Variants in NCAN observed in about 807,000 individuals in gnomAD.
The protein encoded by NCAN is neurocan, also known as neurocan core protein.
A neutral mutation model predicts 121.8 loss-of-function variants in NCAN; 47 were observed. The observed-to-expected ratio is 0.39, with a 90% confidence interval of 0.31 to 0.49. The LOEUF (loss-of-function observed/expected upper bound fraction) is 0.49. NCAN is among the 20% of genes least tolerant of loss of function. The pLI, the probability that NCAN is intolerant of heterozygous loss-of-function variation, is 0.92. For synonymous variants in NCAN, 633 were observed against 702.0 expected (o/e 0.90, Z 1.55); for missense variants, 1,517 against 1,773.4 (o/e 0.86, Z 2.60).
At chr19:19,246,310 T>C (rs2060924347) in intron 13 of NCAN, among the ~76,000 whole-genome samples, 1 of 152,068 alleles carries the variant, frequency 6.6e-6, no homozygotes, top group South Asian at 2.1e-4. Flanking sequence ...AGGGCAGGGA[T>C]TACAAGCATG....
At chr19:19,230,138 A>G (rs953725328) in intron 8 of NCAN, among the ~76,000 whole-genome samples, 3 of 151,522 alleles carry the variant, frequency 2.0e-5, no homozygotes, top group African/African-American at 7.3e-5. Context: ...TCCGCCTCCC[A>G]GGTTCAAGTG....
At chr19:19,246,723 G>A (rs2060925854) in intron 13 of NCAN, among the ~76,000 whole-genome samples, 1 of 151,802 alleles carries the variant, frequency 6.6e-6, no homozygotes, top group African/African-American at 2.4e-5. Context: ...TGTATTTTTA[G>A]TGGAGACGGG....
At chr19:19,239,041 C>T (rs2060892019) in intron 11 of NCAN, among the ~76,000 whole-genome samples, 1 of 152,130 alleles carries the variant, frequency 6.6e-6, no homozygotes, top group Non-Finnish European at 1.5e-5. Flanking sequence ...GTTTCTTTTT[C>T]CTTGATGTAT....
intron 11 of NCAN, among the ~76,000 whole-genome samples, chr19:19,239,854 A>C (rs1278080249): frequency 0.013 from 494 of 36,720 alleles, no homozygotes; most frequent in Middle Eastern, 0.026. Flanking sequence ...CCTCCCTCCA[A>C]CTCCTCCCCT....
rs2060945456 is a variant in NCAN at position 19,251,339 on chromosome 19, G to A, written c.*1428G>A. On this transcript the variant is annotated 3_prime_UTR_variant, in exon 15 of 15. Coordinates refer to ENST00000252575, the MANE Select transcript of NCAN (RefSeq NM_004386.3). ...AATGACCATTGACAACTAAGAAGTA[G>A]ACACCATGCTAAAGACTTACATACA... 1 of 152,216 alleles carries A rather than the reference G, an allele frequency of 6.6e-6. No individual in the cohort carries two copies. The highest frequency in any genetic ancestry group is 1.5e-5 in the Non-Finnish European group (1 of 68,048). 9.4% of individuals were successfully genotyped at this position (152,216 alleles called of 1,614,324 possible).
In NCAN at chr19:19,230,622, G is replaced by A. The variant is rs952878866; in HGVS notation, c.3019+1983G>A. Among the ~76,000 whole-genome samples, 4 of 149,760 alleles carry A rather than the reference G, an allele frequency of 2.7e-5. No individual in the cohort carries two copies. The South Asian group carries it at 6.3e-4, about 24-fold the overall frequency. ...TGCCATGTTGCCCAAGCTAGTGCCCGTTTTTTTGAAGGCAAAGTGTCATGA... is the reference window on the plus strand; with the variant it reads ...TGCCATGTTGCCCAAGCTAGTGCCCATTTTTTTGAAGGCAAAGTGTCATGA... On this transcript the variant is annotated intron_variant, in intron 8 of 14. Coordinates refer to ENST00000252575, the MANE Select transcript of NCAN (RefSeq NM_004386.3).
At chr19:19,232,861 G>A (rs1460063885) in intron 8 of NCAN, 5 of 152,126 alleles carry the variant, frequency 3.3e-5, no homozygotes, top group Admixed American at 6.5e-5. Flanking sequence ...AGTAGTGCTC[G>A]CTTCAGCAGC....
chr19:19,232,378 G>C (rs992101474), intron 8 of NCAN, among the ~76,000 whole-genome samples: 1 of 152,226 alleles, frequency 6.6e-6, no homozygotes, highest in African/African-American at 2.4e-5. Flanking sequence ...TCAGCAGCGC[G>C]GGGCACCTGG....
Position 19,228,034 on chromosome 19 carries a change from T to C in NCAN, c.2414T>C (p.Phe805Ser), listed in dbSNP as rs2060844447. Residue 805 changes from phenylalanine (F) to serine (S), a missense_variant, in exon 8 of 15, where the codon TTC becomes TCC. Transcript: ENST00000252575. ...PSAPLGSPGV[F>S]LVPKVTPNLE... ...GCCCCCCTGGGGAGCCCTGGAGTCTTCTTGGTACCCAAAGTCACCCCAAAT... is the reference window on the plus strand; with the variant it reads ...GCCCCCCTGGGGAGCCCTGGAGTCTCCTTGGTACCCAAAGTCACCCCAAAT... 6.2e-7 allele frequency: 1 copy of C among 1,613,352 alleles called. No individual in the cohort carries two copies. The highest frequency in any genetic ancestry group is 1.3e-5 in the African/African-American group (1 of 74,888).
At chr19:19,213,385 G>C (rs768680037) in intron 1 of NCAN, among the ~76,000 whole-genome samples, 3 of 151,750 alleles carry the variant, frequency 2.0e-5, no homozygotes, top group African/African-American at 4.8e-5. Context: ...GTGGCAAAAT[G>C]ATGGGTGTCC....
At position 19,225,441 on chromosome 19, in the gene NCAN, A is replaced by T. The variant is rs1260521569; in HGVS notation, c.1072+171A>T. Reference sequence around the variant, plus strand: ...GGTGAAGGCCACACCCGTTACGACAAGTCTTTCCCTAGGAGCCCCGTCCTG... The same window carrying T: ...GGTGAAGGCCACACCCGTTACGACATGTCTTTCCCTAGGAGCCCCGTCCTG... On this transcript the variant is annotated intron_variant, in intron 6 of 14. Coordinates refer to ENST00000252575, the MANE Select transcript of NCAN (RefSeq NM_004386.3). The surrounding 1 kb of genome is among the most constrained non-coding windows in gnomAD (Gnocchi z 4.0). Among the ~76,000 whole-genome samples, 6 of 152,154 alleles carry T rather than the reference A, an allele frequency of 3.9e-5. No individual in the cohort carries two copies. The highest frequency in any genetic ancestry group is 1.2e-4 in the African/African-American group (5 of 41,460).
chr19:19,238,307 A>C lies in NCAN; in HGVS notation c.3305A>C (p.Tyr1102Ser). The C allele has an allele frequency of 6.2e-7, 1 of 1,614,116 alleles. No homozygotes were observed. Among genetic ancestry groups the C allele is most frequent in the South Asian group, 1.1e-5 (1 of 91,082 alleles). ...AAGTTCCAGGGCCACTGTTACCGCT[A>C]TTTTGCCCACCGGAGGGCATGGGAA... is the stretch of plus-strand genomic sequence containing the variant. ...WHKFQGHCYR[Y>S]FAHRRAWEDA... The change falls in exon 11 of 15, where the codon TAT becomes TCT. Residue 1102 changes from tyrosine (Y) to serine (S), a missense_variant. Coordinates refer to ENST00000252575, the MANE Select transcript of NCAN (RefSeq NM_004386.3).
chr19:19,224,834 G>A (rs1721878214), intron 5 of NCAN, 143 bp from the exon 6 acceptor site: 1 of 684,106 alleles, frequency 1.5e-6, no homozygotes, highest in African/African-American at 1.9e-5. Context: ...TCCCGGAGCT[G>A]GACGCACAGC....
chr19:19,223,279 C>T (rs940011728), intron 3 of NCAN, among the ~76,000 whole-genome samples: 1 of 152,090 alleles, frequency 6.6e-6, no homozygotes, highest in African/African-American at 2.4e-5. Flanking sequence ...CCTCCAGGGC[C>T]TAACCCTGGG....
chr19:19,245,948 G>A (rs61668694), intron 13 of NCAN, among the ~76,000 whole-genome samples: 1,684 of 152,238 alleles, frequency 0.011, 26 homozygotes, highest in African/African-American at 0.032. Flanking sequence ...TAGGCCGCTC[G>A]GGGTGGCTCA....
intron 11 of NCAN, among the ~76,000 whole-genome samples, chr19:19,239,748 A>ACTC (rs1489687318): frequency 2.2e-5 from 1 of 46,288 alleles, no homozygotes; most frequent in Non-Finnish European, 4.1e-5. Flanking sequence ...CCTCCCTTCT[A>ACTC]CTCCTCCTCC....
intron 13 of NCAN, among the ~76,000 whole-genome samples, chr19:19,246,008 T>A (rs994609791): frequency 6.6e-6 from 1 of 152,022 alleles, no homozygotes; most frequent in Non-Finnish European, 1.5e-5. Context: ...GGATTATATT[T>A]TATTTTTTTA....
At chr19:19,232,194 T>G in intron 8 of NCAN, among the ~76,000 whole-genome samples, 1 of 152,164 alleles carries the variant, frequency 6.6e-6, no homozygotes, top group Non-Finnish European at 1.5e-5. Flanking sequence ...CTTGGACTTT[T>G]CTGGATCCTG....
chr19:19,224,047 C>G lies in NCAN; in HGVS notation c.502C>G (p.Arg168Gly). 3 of 1,564,436 alleles carry G rather than the reference C, an allele frequency of 1.9e-6. No homozygotes were observed. The highest frequency in any genetic ancestry group is 1.2e-5 in the South Asian group (1 of 85,248). The change falls in exon 4 of 15, where the codon CGG (arginine) becomes GGG (glycine). Residue 168 changes from arginine to glycine, a missense_variant. Transcript: ENST00000252575. Reference protein sequence around the residue: ...TGVVFHYRSARDRYALTFAEA... With the variant: ...TGVVFHYRSAGDRYALTFAEA... ...TGTTGTGTTCCACTACCGATCAGCC[C>G]GGGACCGCTATGCACTGACCTTCGC...
Sources: allele counts gnomAD v4.1 joint callset (sites outside exome capture counted in the v4.1 genomes callset), GRCh38; gene constraint gnomAD v4.1.1; non-coding constraint Gnocchi (gnomAD v3.1); transcripts MANE v1.5; gene names NCBI Gene and HGNC (gene_info 2026-07-23, HGNC 2026-07-21).